NUP133: variants seen among roughly 807,000 people sequenced by gnomAD.
NUP133 encodes the protein nuclear pore complex protein Nup133.
NUP133 carries 66 observed loss-of-function variants against 146.2 expected under a neutral mutation model. The ratio of observed to expected loss-of-function variants is 0.45; its 90% CI spans 0.37 to 0.55. The LOEUF (loss-of-function observed/expected upper bound fraction) is 0.55, where lower values mean the gene tolerates loss of function less well. Ranked by LOEUF, NUP133 falls within the 20% of genes least tolerant of loss-of-function variation. The pLI, the probability that NUP133 is intolerant of heterozygous loss-of-function variation, is 0.00. For missense variants in NUP133, 1,277 were observed against 1,374.8 expected (o/e 0.93, Z 1.12); for synonymous variants, 521 against 498.8 (o/e 1.04, Z -0.59).
intron 13 of NUP133, among the ~76,000 whole-genome samples, chr1:229,476,119 G>A (rs1243185084): frequency 9.0e-5 from 13 of 144,892 alleles, no homozygotes; most frequent in Admixed American, 4.8e-4. Context: ...AAAAAGAAAA[G>A]GGAAAAAAAA....
At chr1:229,460,808 T>A in intron 19 of NUP133, 39 bp from the exon 20 acceptor site, 2 of 1,535,228 alleles carry the variant, frequency 1.3e-6, no homozygotes, top group Non-Finnish European at 1.8e-6. Flanking sequence ...CATAATAGTT[T>A]AAAAAAACAC....
Position 229,464,667 on chromosome 1 carries a change from C to T in NUP133, c.2508G>A (p.Glu836=), listed in dbSNP as rs1312262729. Residue 836 remains glutamate (E), a synonymous_variant, in exon 18 of 26, where the codon GAG becomes GAA. Coordinates refer to ENST00000261396, the MANE Select transcript of NUP133 (RefSeq NM_018230.3). ...SSNRERYDNL[E]MEYLQKRSDL... The stretch of plus-strand genomic sequence containing the variant: ...CTGATCTTTTCTGTAGGTATTCCAT[C>T]TCCAGATTGTCATATCTTTCCCGAT... 3.7e-6 allele frequency: 6 copies of T among 1,614,076 alleles called. 1 individual carries two copies. The South Asian group carries it at 4.4e-5, about 12-fold the overall frequency.
intron 24 of NUP133, among the ~76,000 whole-genome samples, chr1:229,446,352 C>G (rs1009034376): frequency 5.9e-5 from 9 of 151,460 alleles, no homozygotes; most frequent in Non-Finnish European, 1.0e-4. Flanking sequence ...GAGGTTGCGG[C>G]GAGCCGAGAT....
chr1:229,476,960 T>C (rs1661091926), intron 13 of NUP133, among the ~76,000 whole-genome samples: 2 of 148,190 alleles, frequency 1.3e-5, no homozygotes, highest in South Asian at 4.2e-4. Context: ...AAACTGGGAT[T>C]GGGGGGCAGG....
chr1:229,444,774 G>A, intron 25 of NUP133, 140 bp downstream of exon 25: 1 of 545,770 alleles, frequency 1.8e-6, no homozygotes, highest in South Asian at 2.6e-5. Context: ...TTGAACCCGG[G>A]AGGTGGAGGC....
chr1:229,499,137 C>A (rs528261244), intron 5 of NUP133: 84 of 465,468 alleles, frequency 1.8e-4, no homozygotes, highest in Non-Finnish European at 1.6e-4. Flanking sequence ...TGGCCTCAGG[C>A]AATCCTTCCG....
intron 8 of NUP133, among the ~76,000 whole-genome samples, chr1:229,491,783 A>C (rs73096001): frequency 0.031 from 4,781 of 152,270 alleles, 267 homozygotes; most frequent in African/African-American, 0.11. Context: ...AACTCAAAAA[A>C]AAAATAATTT....
intron 21 of NUP133, 60 bp from the exon 22 acceptor site, chr1:229,452,703 A>C: frequency 9.1e-6 from 12 of 1,319,374 alleles, no homozygotes; most frequent in Non-Finnish European, 1.3e-5. Flanking sequence ...TTTTGCTCTC[A>C]TTTTTGCTGT....
At chr1:229,504,527 C>T (rs947639731) in intron 2 of NUP133, among the ~76,000 whole-genome samples, 21 of 152,166 alleles carry the variant, frequency 1.4e-4, no homozygotes, top group Admixed American at 3.9e-4. Context: ...CACCAACAGA[C>T]GCTTCTAAAG....
intron 15 of NUP133, among the ~76,000 whole-genome samples, chr1:229,469,987 T>C (rs1327640100): frequency 6.6e-6 from 1 of 151,924 alleles, no homozygotes; most frequent in Non-Finnish European, 1.5e-5. Context: ...CATTGCACTG[T>C]TGCACTCCAG....
intron 16 of NUP133, among the ~76,000 whole-genome samples, 159 bp from the exon 17 acceptor site, chr1:229,465,678 TAGG>T (rs1321374506): frequency 6.6e-6 from 1 of 151,974 alleles, no homozygotes; most frequent in Admixed American, 6.6e-5. Flanking sequence ...GAGGCTGAGG[TAGG>T]AGGATTGCTC....
chr1:229,483,501 T>C (rs574352504), intron 12 of NUP133, among the ~76,000 whole-genome samples: 3 of 151,926 alleles, frequency 2.0e-5, no homozygotes, highest in African/African-American at 7.2e-5. Context: ...AATCAGGAGT[T>C]TGAGACTAGC....
At chr1:229,448,968 G>A (rs755700256) in intron 24 of NUP133, 158 bp downstream of exon 24, 10 of 640,540 alleles carry the variant, frequency 1.6e-5, no homozygotes, top group Non-Finnish European at 2.8e-5. Context: ...ACATTCAGCT[G>A]GTGCCCACCA....
At chr1:229,459,991 G>A (rs868448430) in intron 20 of NUP133, among the ~76,000 whole-genome samples, 9 of 151,924 alleles carry the variant, frequency 5.9e-5, no homozygotes, top group South Asian at 2.1e-4. Context: ...AGTGCATCAG[G>A]GTTCCCTTTT....
chr1:229,473,945 A>T (rs566518952), intron 14 of NUP133, among the ~76,000 whole-genome samples: 15 of 152,328 alleles, frequency 9.8e-5, no homozygotes, highest in African/African-American at 3.6e-4. Context: ...AAAAAGAGGT[A>T]TAATAAATTC....
chr1:229,470,228 C>G (rs1660922344), intron 15 of NUP133, among the ~76,000 whole-genome samples: 1 of 150,674 alleles, frequency 6.6e-6, no homozygotes, highest in African/African-American at 2.4e-5. Context: ...ATCCCAGCTA[C>G]TCGGGAGGCT....
rs767944490 is a variant in NUP133, at chr1:229,490,047, T to C, written c.1102A>G (p.Ile368Val). The C allele has an allele frequency of 1.9e-6, 3 of 1,611,586 alleles. No homozygotes were observed. Among genetic ancestry groups the C allele is most frequent in the African/African-American group, 1.3e-5 (1 of 74,884 alleles). ...AWHSADNPCL[I>V]YYSLITIEDN... ...TCTATTGTTATCAGAGAGTAATAGA[T>C]GAGACATGGATTGTCTGCTGAGTGC... Residue 368 changes from isoleucine (I) to valine (V), a missense_variant, in exon 9 of 26, where the codon ATC becomes GTC. Physicochemically the swap from Ile to Val is conservative, Grantham distance 29 (BLOSUM62 3). Around this residue, in one of 3 missense-constraint regions of NUP133, gnomAD observed 952 missense variants for 1,047.0 expected, o/e 0.91. Transcript: ENST00000261396.
At chr1:229,466,208 G>C (rs1324494880) in intron 16 of NUP133, among the ~76,000 whole-genome samples, 1 of 152,088 alleles carries the variant, frequency 6.6e-6, no homozygotes, top group East Asian at 1.9e-4. Context: ...TGGTGTCTCA[G>C]TTCTGTAATC....
chr1:229,489,968 T>C lies in NUP133; in HGVS notation c.1181A>G (p.Asn394Ser). 6.3e-7 allele frequency: 1 copy of C among 1,597,026 alleles called. No individual in the cohort carries two copies. Among genetic ancestry groups the C allele is most frequent in the Non-Finnish European group, 8.5e-7 (1 of 1,171,928 alleles). The change falls in exon 9 of 26, where the codon AAT (asparagine) becomes AGT (serine). Residue 394 changes from asparagine (N) to serine (S), a missense_variant. Transcript: ENST00000261396. ...TATAAATCTTACCTGAAAAGGTGGA[T>C]TATATTGAGTGACTTCTACAGTAAC... ...DAVTVEVTQY[N>S]PPFQSEDLIL...
Sources: gnomAD v4.1 joint callset for allele counts (sites outside exome capture counted in the v4.1 genomes callset) on GRCh38, gnomAD v4.1.1 for gene constraint, gnomAD v4.1.1 regional missense constraint, MANE v1.5 for transcripts, NCBI Gene and HGNC (gene_info 2026-07-23, HGNC 2026-07-21) for gene names.